ALCAM: variants seen among roughly 807,000 people sequenced by gnomAD.
ALCAM encodes the protein activated leukocyte cell adhesion molecule, also known as CD166 antigen.
ALCAM carries 30 observed loss-of-function variants against 70.9 expected under a neutral mutation model. That is an observed-to-expected ratio of 0.42 (90% CI 0.32 to 0.57). The LOEUF is 0.57. ALCAM is among the 20% of genes least tolerant of loss of function. The probability of loss-of-function intolerance (pLI) is 0.11; values close to 1 mark genes in which losing one functional copy is unlikely to be tolerated. For missense variants in ALCAM, 591 were observed against 695.1 expected (o/e 0.85, Z 1.68); for synonymous variants, 249 against 242.5 (o/e 1.03, Z -0.25).
At chr3:105,502,011 A>C (rs954670361) in intron 1 of ALCAM, among the ~76,000 whole-genome samples, 8 of 152,236 alleles carry the variant, frequency 5.3e-5, no homozygotes, top group African/African-American at 1.9e-4. Context: ...TATTCATTGA[A>C]AACTCCAACA....
intron 6 of ALCAM, among the ~76,000 whole-genome samples, chr3:105,535,978 G>T (rs1169226055): frequency 1.3e-5 from 2 of 151,884 alleles, no homozygotes; most frequent in South Asian, 4.1e-4. Flanking sequence ...AGGTAGTTTT[G>T]CCTTAAACTT....
rs144241832 is a variant in ALCAM at position 105,519,552 on chromosome 3, T to A, written c.74-515T>A. On this transcript the variant is annotated intron_variant, in intron 1 of 15. Coordinates refer to ENST00000306107, the MANE Select transcript of ALCAM (RefSeq NM_001627.4). ...TCCCCTTATAAATAAAATTCAGTTG[T>A]GGTCTTATGTGTATTAATTCTCAGT... Among the ~76,000 whole-genome samples the A allele has an allele frequency of 1.2e-4, 18 of 152,222 alleles. No individual in the cohort carries two copies. The East Asian group carries it at 3.5e-3, about 29-fold the overall frequency.
intron 1 of ALCAM, among the ~76,000 whole-genome samples, chr3:105,453,193 A>G (rs1373689996): frequency 1.3e-5 from 2 of 152,008 alleles, no homozygotes; most frequent in Admixed American, 1.3e-4. Context: ...TTCCAGGGTT[A>G]TTATAATTTT....
chr3:105,432,601 T>C (rs924225652), intron 1 of ALCAM, among the ~76,000 whole-genome samples: 5 of 152,104 alleles, frequency 3.3e-5, no homozygotes, highest in African/African-American at 1.2e-4. Context: ...AAGGAAGTAA[T>C]CTGCCTGCCT....
intron 1 of ALCAM, among the ~76,000 whole-genome samples, chr3:105,485,718 G>A (rs1387835121): frequency 6.6e-6 from 1 of 151,896 alleles, no homozygotes; most frequent in Non-Finnish European, 1.5e-5. Flanking sequence ...GCCTGTAAGT[G>A]ATCATTTTTA....
At chr3:105,464,140 G>T (rs1179841650) in intron 1 of ALCAM, among the ~76,000 whole-genome samples, 2 of 151,142 alleles carry the variant, frequency 1.3e-5, no homozygotes, top group Non-Finnish European at 3.0e-5. Context: ...TTTTTGTCTT[G>T]TCCGACTATA....
At chr3:105,453,104 T>G (rs193141168) in intron 1 of ALCAM, among the ~76,000 whole-genome samples, 1 of 152,230 alleles carries the variant, frequency 6.6e-6, no homozygotes, top group Non-Finnish European at 1.5e-5. Context: ...ATTTTGGCTT[T>G]TGTTGCAATT....
intron 14 of ALCAM, among the ~76,000 whole-genome samples, chr3:105,569,244 A>G (rs1940810923): frequency 6.6e-6 from 1 of 152,082 alleles, no homozygotes; most frequent in Admixed American, 6.6e-5. Context: ...GGAGAAGTAG[A>G]AAGAAAAAGA....
chr3:105,462,418 A>G (rs1332433347), intron 1 of ALCAM, among the ~76,000 whole-genome samples: 3 of 151,580 alleles, frequency 2.0e-5, no homozygotes, highest in Non-Finnish European at 3.0e-5. Context: ...ATTTCATTGT[A>G]TAAAGAAATA....
intron 14 of ALCAM, among the ~76,000 whole-genome samples, chr3:105,557,729 A>G (rs1940550118): frequency 6.6e-6 from 1 of 152,066 alleles, no homozygotes; most frequent in South Asian, 2.1e-4. Flanking sequence ...CTGATCCCTC[A>G]GCCTTTTACC....
intron 1 of ALCAM, among the ~76,000 whole-genome samples, chr3:105,425,367 A>C (rs191603328): frequency 1.3e-5 from 2 of 151,804 alleles, no homozygotes; most frequent in Admixed American, 6.6e-5. Context: ...AAATTTCCTC[A>C]TTGTCCAGAG....
chr3:105,392,054 G>A (rs1310041200), intron 1 of ALCAM, among the ~76,000 whole-genome samples: 1 of 151,778 alleles, frequency 6.6e-6, no homozygotes, highest in Non-Finnish European at 1.5e-5. Flanking sequence ...ATTTCTGCCA[G>A]GTTTTGGTAT....
rs552388422 is a variant in ALCAM at position 105,567,461 on chromosome 3, A to C, written c.1665-4391A>C. ...TTTTTTTTCCACTGCCCTGGACTCC[A>C]CCATCTCCTCACTTTTTTACTGTTT... On this transcript the variant is annotated intron_variant, in intron 14 of 15. Coordinates refer to ENST00000306107, the MANE Select transcript of ALCAM (RefSeq NM_001627.4). Among the ~76,000 whole-genome samples, 6 of 151,208 alleles carry C rather than the reference A, an allele frequency of 4.0e-5. No individual in the cohort carries two copies. In the South Asian group the frequency reaches 1.3e-3, roughly 32 times the overall value.
intron 1 of ALCAM, among the ~76,000 whole-genome samples, chr3:105,505,832 C>T (rs531315527): frequency 4.9e-4 from 74 of 152,062 alleles, no homozygotes; most frequent in Non-Finnish European, 8.1e-4. Flanking sequence ...CACTATTCTT[C>T]AGATATATTT....
chr3:105,459,390 T>C (rs558106301), intron 1 of ALCAM, among the ~76,000 whole-genome samples: 15 of 152,238 alleles, frequency 9.9e-5, no homozygotes, highest in African/African-American at 3.4e-4. Context: ...GTCCTTGCAT[T>C]ATTTTTTCTA....
chr3:105,563,219 G>A (rs188897930), intron 14 of ALCAM, among the ~76,000 whole-genome samples: 1,578 of 144,496 alleles, frequency 0.011, 24 homozygotes, highest in African/African-American at 0.02. Flanking sequence ...AAAAAAAAAA[G>A]CCGGTAGAAT....
At chr3:105,409,165 T>C (rs1458514119) in intron 1 of ALCAM, among the ~76,000 whole-genome samples, 1 of 151,738 alleles carries the variant, frequency 6.6e-6, no homozygotes, top group Non-Finnish European at 1.5e-5. Context: ...TAAAAGTAGA[T>C]CTACTATTTG....
intron 14 of ALCAM, among the ~76,000 whole-genome samples, chr3:105,563,311 ATCTT>A (rs1382900630): frequency 6.8e-6 from 1 of 146,848 alleles, no homozygotes; most frequent in Non-Finnish European, 1.5e-5. Context: ...TTTTTCTTTT[ATCTT>A]TCTTAGTCTT....
At chr3:105,446,648 C>T (rs1260859734) in intron 1 of ALCAM, among the ~76,000 whole-genome samples, 1 of 135,214 alleles carries the variant, frequency 7.4e-6, no homozygotes, top group Non-Finnish European at 1.6e-5. Flanking sequence ...CACACACACA[C>T]ACATAATGGA....
Sources: allele counts gnomAD v4.1 joint callset (sites outside exome capture counted in the v4.1 genomes callset), GRCh38; gene constraint gnomAD v4.1.1; transcripts MANE v1.5; gene names NCBI Gene and HGNC (gene_info 2026-07-23, HGNC 2026-07-21).